TLK2: variants seen among roughly 807,000 people sequenced by gnomAD.
TLK2 encodes the protein tousled like kinase 2.
Under a neutral mutation model 117.3 loss-of-function variants are expected in TLK2, and 6 were observed. That is an observed-to-expected ratio of 0.05 (90% CI 0.03 to 0.10). The LOEUF is 0.10. Among genes scored for constraint, TLK2 ranks in the 10% least tolerant of loss-of-function variants. The pLI is 1.00. For missense variants in TLK2, 299 were observed against 901.2 expected (o/e 0.33, Z 8.56); for synonymous variants, 257 against 316.7 (o/e 0.81, Z 2.00).
At chr17:62,480,013 T>A (rs1567756546) in intron 1 of TLK2, among the ~76,000 whole-genome samples, 2 of 152,256 alleles carry the variant, frequency 1.3e-5, no homozygotes, top group Non-Finnish European at 2.9e-5. Context: ...CCTAATTCTC[T>A]CTCTAACCTG....
intron 2 of TLK2, among the ~76,000 whole-genome samples, chr17:62,500,100 C>A (rs543781376): frequency 1.4e-4 from 21 of 151,778 alleles, no homozygotes; most frequent in Admixed American, 2.6e-4. Context: ...ATGAGGGTCT[C>A]CCTATGTTGC....
chr17:62,471,638 C>G (rs2070940745), intron 1 of TLK2, among the ~76,000 whole-genome samples: 2 of 106,880 alleles, frequency 1.9e-5, no homozygotes, highest in South Asian at 6.1e-4. Flanking sequence ...CTGGCGGGAA[C>G]AGGGAGTATC....
At chr17:62,532,461 G>T (rs1190743423) in intron 6 of TLK2, among the ~76,000 whole-genome samples, 1 of 152,136 alleles carries the variant, frequency 6.6e-6, no homozygotes, top group African/African-American at 2.4e-5. Flanking sequence ...GCTGGGGTAG[G>T]ACTCTACTCA....
intron 2 of TLK2, among the ~76,000 whole-genome samples, chr17:62,517,993 C>A (rs1036315355): frequency 3.9e-5 from 6 of 152,196 alleles, no homozygotes; most frequent in African/African-American, 1.2e-4. Context: ...CCATTGCGTC[C>A]GGCATGTAGT....
intron 9 of TLK2, among the ~76,000 whole-genome samples, chr17:62,554,951 A>G (rs1326127895): frequency 2.0e-5 from 3 of 150,242 alleles, no homozygotes; most frequent in South Asian, 4.2e-4. Context: ...ATTAATTGGG[A>G]TTAAACATTT....
intron 2 of TLK2, among the ~76,000 whole-genome samples, chr17:62,519,453 G>T (rs2075872991): frequency 1.3e-5 from 2 of 152,114 alleles, no homozygotes; most frequent in Non-Finnish European, 2.9e-5. Flanking sequence ...GAGCCTTCCT[G>T]CTTTTTCAGG....
chr17:62,522,075 C>T lies in TLK2; in HGVS notation c.154-129C>T, dbSNP rs2076083660. On this transcript the variant is annotated intron_variant, in intron 3 of 21. Transcript: ENST00000346027. ...GTTATACTCAGTTTTAAGAGGAAGA[C>T]AGTGATTCAGGACTTGTCTGGGCCA... The T allele has an allele frequency of 3.3e-6, 3 of 917,386 alleles. 1 individual carries two copies. Among genetic ancestry groups the T allele is most frequent in the Non-Finnish European group, 4.9e-6 (3 of 610,088 alleles). 56.8% of individuals were successfully genotyped at this position (917,386 alleles called of 1,614,324 possible).
chr17:62,554,615 A>ATGG (rs1423989258), intron 9 of TLK2, among the ~76,000 whole-genome samples: 1 of 151,876 alleles, frequency 6.6e-6, no homozygotes, highest in Non-Finnish European at 1.5e-5. Context: ...AGGACCGGGC[A>ATGG]TGGTGGCCCA....
intron 16 of TLK2, among the ~76,000 whole-genome samples, chr17:62,594,471 A>G (rs1438788409): frequency 2.0e-5 from 3 of 152,202 alleles, no homozygotes; most frequent in African/African-American, 7.2e-5. Flanking sequence ...CTTGGAAACT[A>G]CAACTTTAAG....
chr17:62,561,513 ATTTC>A (rs1172083884), intron 10 of TLK2, among the ~76,000 whole-genome samples: 1 of 152,198 alleles, frequency 6.6e-6, no homozygotes, highest in Non-Finnish European at 1.5e-5. Flanking sequence ...CGCCCAGCCT[ATTTC>A]TTAGAAGTTT....
chr17:62,591,005 A>G (rs1179482978), intron 16 of TLK2, among the ~76,000 whole-genome samples: 1 of 152,194 alleles, frequency 6.6e-6, no homozygotes, highest in Non-Finnish European at 1.5e-5. Context: ...TGATCCCAGC[A>G]CTTTGGGAGG....
intron 6 of TLK2, among the ~76,000 whole-genome samples, chr17:62,526,952 G>A (rs1270071485): frequency 6.6e-6 from 1 of 152,162 alleles, no homozygotes; most frequent in Non-Finnish European, 1.5e-5. Flanking sequence ...TTCCTAGACT[G>A]AAGTCTTTAT....
intron 7 of TLK2, among the ~76,000 whole-genome samples, chr17:62,545,246 C>T (rs992032882): frequency 1.3e-5 from 2 of 152,094 alleles, no homozygotes; most frequent in African/African-American, 4.8e-5. Flanking sequence ...AGGCTGGTCT[C>T]GAACTCCTGA....
chr17:62,480,574 C>T (rs139355991), intron 1 of TLK2, among the ~76,000 whole-genome samples: 2,050 of 152,248 alleles, frequency 0.013, 20 homozygotes, highest in Non-Finnish European at 0.022. Flanking sequence ...TAAAATAATT[C>T]CTTTTCTCAT....
intron 7 of TLK2, among the ~76,000 whole-genome samples, chr17:62,539,144 A>T (rs1456590088): frequency 6.6e-6 from 1 of 152,168 alleles, no homozygotes; most frequent in African/African-American, 2.4e-5. Flanking sequence ...AATGTATCTC[A>T]ATGTTAAGTT....
At chr17:62,594,219 C>CCAA (rs2082288021) in intron 16 of TLK2, among the ~76,000 whole-genome samples, 3 of 152,060 alleles carry the variant, frequency 2.0e-5, no homozygotes, top group Admixed American at 2.0e-4. Context: ...ATCAACCTGG[C>CCAA]CAACATGGCA....
At chr17:62,474,479 G>T (rs1482544075), upstream of TLK2, among the ~76,000 whole-genome samples, 1 of 151,266 alleles carries the variant, frequency 6.6e-6, no homozygotes. Context: ...GTGCGGTCTC[G>T]GCTTACTGCA....
chr17:62,473,000 A>G lies in TLK2; in HGVS notation c.-205+1922A>G, dbSNP rs538295775. Among the ~76,000 whole-genome samples, 10 of 152,306 alleles carry G rather than the reference A, an allele frequency of 6.6e-5. No homozygotes were observed. In the South Asian group the frequency reaches 2.1e-3, roughly 32 times the overall value. On this transcript the variant is annotated intron_variant, in intron 1 of 4. Coordinates refer to the TLK2 transcript ENST00000579450. Reference sequence around the variant, plus strand: ...ACCACACCACAAATTGTCCACTTACAAGCAAAAAAATAACAAACAGCCAAG... The same window carrying G: ...ACCACACCACAAATTGTCCACTTACGAGCAAAAAAATAACAAACAGCCAAG...
intron 11 of TLK2, among the ~76,000 whole-genome samples, chr17:62,571,720 C>T (rs1325863865): frequency 2.0e-5 from 3 of 152,062 alleles, no homozygotes; most frequent in Non-Finnish European, 2.9e-5. Context: ...TAGATATGTT[C>T]GAATAAACTG....
Sources: gnomAD v4.1 joint callset for allele counts (sites outside exome capture counted in the v4.1 genomes callset) on GRCh38, gnomAD v4.1.1 for gene constraint, MANE v1.5 for transcripts, NCBI Gene and HGNC (gene_info 2026-07-23, HGNC 2026-07-21) for gene names.